Variants in PCDHGA8 observed in about 807,000 individuals in gnomAD.
PCDHGA8 encodes the protein protocadherin gamma-A8.
In PCDHGA8, 45 loss-of-function variants were observed where a neutral mutation model predicts 59.2. The ratio of observed to expected loss-of-function variants is 0.76; its 90% CI spans 0.60 to 0.98. The LOEUF (loss-of-function observed/expected upper bound fraction) is 0.98, where lower values mean the gene tolerates loss of function less well. PCDHGA8 is among the 50% of genes least tolerant of loss of function. PCDHGA8 has a pLI of 0.00. For synonymous variants in PCDHGA8, 531 were observed against 519.0 expected, an observed-to-expected ratio of 1.02 and a Z score of -0.32; for missense variants, 1,257 against 1,196.2, an observed-to-expected ratio of 1.05 and a Z score of -0.75.
chr5:141,433,255 A>G (rs2097579829), intron 1 of PCDHGA8: 2 of 1,401,470 alleles, frequency 1.4e-6, no homozygotes, highest in South Asian at 1.4e-5. Context: ...ATGCAGCGGT[A>G]CGATCATAGC....
intron 2 of PCDHGA8, among the ~76,000 whole-genome samples, chr5:141,499,297 T>A (rs1449576891): frequency 1.3e-5 from 2 of 152,036 alleles, no homozygotes; most frequent in Non-Finnish European, 2.9e-5. Flanking sequence ...CACACTACCA[T>A]CCCTCCTCTG....
rs376494807 is a variant in PCDHGA8 at position 141,491,836 on chromosome 5, G to A, written c.2425-2971G>A. 4.2e-5 allele frequency: 62 copies of A among 1,472,880 alleles called. No homozygotes were observed. The highest frequency in any genetic ancestry group is 3.6e-4 in the Middle Eastern group (2 of 5,606). 91.2% of individuals were successfully genotyped at this position (1,472,880 alleles called of 1,614,324 possible). A position where few individuals can be genotyped will look rare whatever the true frequency, so the allele number is the denominator to read the frequency against. On this transcript the variant is annotated intron_variant, in intron 1 of 3. Coordinates refer to ENST00000398604, the MANE Select transcript of PCDHGA8 (RefSeq NM_032088.2). This position sits in a 1 kb window ranked among gnomAD's most constrained non-coding sequence, Gnocchi z 6.9. ...CTGGCTGCGCTCCACCCGATTCTCG[G>A]GATCATTGGACCGTTTGCGCGAAAC...
At chr5:141,422,279 C>T (rs1344316011) in intron 1 of PCDHGA8, 1 of 1,557,956 alleles carries the variant, frequency 6.4e-7, no homozygotes, top group Non-Finnish European at 8.6e-7. Context: ...ATAACTATCA[C>T]CTCTTCTATT....
intron 1 of PCDHGA8, chr5:141,420,099 C>G: frequency 2.5e-6 from 4 of 1,613,996 alleles, no homozygotes; most frequent in Non-Finnish European, 3.4e-6. Context: ...AGTGAGGGAA[C>G]GTTGCCCTAT....
intron 1 of PCDHGA8, chr5:141,400,460 G>GTGAT (rs760132234): frequency 6.2e-7 from 1 of 1,613,938 alleles, no homozygotes. Context: ...ATACTTTGTG[G>GTGAT]TGATTCATCT....
chr5:141,489,894 G>T lies in PCDHGA8; in HGVS notation c.2425-4913G>T. 1.2e-6 allele frequency: 2 copies of T among 1,614,204 alleles called. No homozygotes were observed. Among genetic ancestry groups the T allele is most frequent in the Non-Finnish European group, 1.7e-6 (2 of 1,180,028 alleles). The stretch of plus-strand genomic sequence containing the variant: ...TGGTGCTTACTGCTGTGGATGGGGG[G>T]ACCCCAGCCCGCTCAGGGACCACCC... On this transcript the variant is annotated intron_variant, in intron 1 of 3. Transcript: ENST00000398604. The surrounding 1 kb of genome is among the most constrained non-coding windows in gnomAD (Gnocchi z 4.5).
intron 1 of PCDHGA8, chr5:141,414,929 C>T (rs2095802879): frequency 6.2e-7 from 1 of 1,614,152 alleles, no homozygotes; most frequent in Non-Finnish European, 8.5e-7. Context: ...GCGCCCCGCT[C>T]CGCAGAGCCC....
In PCDHGA8 at chr5:141,491,835, G is replaced by C; in HGVS notation, c.2425-2972G>C. On this transcript the variant is annotated intron_variant, in intron 1 of 3. Coordinates refer to ENST00000398604, the MANE Select transcript of PCDHGA8 (RefSeq NM_032088.2). The surrounding 1 kb of genome is among the most constrained non-coding windows in gnomAD (Gnocchi z 6.9). The stretch of plus-strand genomic sequence containing the variant: ...GCTGGCTGCGCTCCACCCGATTCTC[G>C]GGATCATTGGACCGTTTGCGCGAAA... 1 of 1,473,258 alleles carries C rather than the reference G, an allele frequency of 6.8e-7. No individual in the cohort carries two copies. The highest frequency in any genetic ancestry group is 9.0e-7 in the Non-Finnish European group (1 of 1,112,098). The allele number at this position is 1,473,258 out of a possible 1,614,324, so 91.3% of individuals were successfully genotyped here.
intron 1 of PCDHGA8, among the ~76,000 whole-genome samples, chr5:141,465,443 C>T (rs979024871): frequency 6.6e-6 from 1 of 152,158 alleles, no homozygotes; most frequent in Non-Finnish European, 1.5e-5. Flanking sequence ...AATGATTACC[C>T]AAGAAAACTC....
intron 1 of PCDHGA8, among the ~76,000 whole-genome samples, chr5:141,451,067 A>G (rs948528671): frequency 6.6e-6 from 1 of 151,848 alleles, no homozygotes; most frequent in African/African-American, 2.4e-5. Flanking sequence ...TGACCTTGTG[A>G]TCCACCCACC....
rs1478890031 is a variant in PCDHGA8, at chr5:141,478,689, C to G, written c.2425-16118C>G. On this transcript the variant is annotated intron_variant, in intron 1 of 3. Coordinates refer to ENST00000398604, the MANE Select transcript of PCDHGA8 (RefSeq NM_032088.2). Reference sequence around the variant, plus strand: ...CACTTTCAACTGGCCCTTCCTAGATCAAAGTTAGTGCCTTTGTGAGATGGT... The same window carrying G: ...CACTTTCAACTGGCCCTTCCTAGATGAAAGTTAGTGCCTTTGTGAGATGGT... 3 of 1,550,866 alleles carry G rather than the reference C, an allele frequency of 1.9e-6. No homozygotes were observed. In the African/African-American group the frequency reaches 4.1e-5, roughly 21 times the overall value.
intron 1 of PCDHGA8, chr5:141,404,640 T>C (rs368593595): frequency 1.6e-5 from 26 of 1,614,092 alleles, no homozygotes; most frequent in East Asian, 2.2e-5. Context: ...CCAGAAATCC[T>C]GTACCCTGCC....
chr5:141,455,616 A>G (rs2154565146), intron 1 of PCDHGA8, among the ~76,000 whole-genome samples: 1 of 152,244 alleles, frequency 6.6e-6, no homozygotes, highest in South Asian at 2.1e-4. Flanking sequence ...GGATGTTCTA[A>G]ACACGTGGAG....
chr5:141,428,043 A>C (rs765740380), intron 1 of PCDHGA8: 1 of 1,608,722 alleles, frequency 6.2e-7, no homozygotes, highest in South Asian at 1.1e-5. Context: ...CTACCTGGTG[A>C]CCAAGGTGGT....
intron 1 of PCDHGA8, among the ~76,000 whole-genome samples, chr5:141,433,465 C>T (rs1386201581): frequency 6.6e-6 from 1 of 152,060 alleles, no homozygotes; most frequent in Non-Finnish European, 1.5e-5. Context: ...GAAACTTGGG[C>T]TCAGGCTAGC....
Position 141,493,404 on chromosome 5 carries a change from C to T in PCDHGA8, c.2425-1403C>T, listed in dbSNP as rs2099748048. Among the ~76,000 whole-genome samples, 1 of 152,148 alleles carries T rather than the reference C, an allele frequency of 6.6e-6. No individual in the cohort carries two copies. Among genetic ancestry groups the T allele is most frequent in the South Asian group, 2.1e-4 (1 of 4,826 alleles). ...CTTGAGGACAGGAGAGGGGAGTTGC[C>T]TCTGCTGGGATTTTGCTTCTGCTGG... On this transcript the variant is annotated intron_variant, in intron 1 of 3. Transcript: ENST00000398604. The surrounding 1 kb of genome is among the most constrained non-coding windows in gnomAD (Gnocchi z 4.3).
At chr5:141,510,056 G>C (rs1450505898) in intron 3 of PCDHGA8, among the ~76,000 whole-genome samples, 2 of 152,174 alleles carry the variant, frequency 1.3e-5, no homozygotes. Flanking sequence ...AAGTGATTGT[G>C]CATGTGAAGC....
At chr5:141,417,626 T>G in intron 1 of PCDHGA8, 2 of 689,576 alleles carry the variant, frequency 2.9e-6, no homozygotes, top group East Asian at 2.9e-5. Flanking sequence ...GAGCAAGCGC[T>G]GACGCCGGGG....
chr5:141,446,289 G>T (rs1333286399), intron 1 of PCDHGA8, among the ~76,000 whole-genome samples: 1 of 152,112 alleles, frequency 6.6e-6, no homozygotes, highest in Non-Finnish European at 1.5e-5. Flanking sequence ...GATAAATGGG[G>T]AGCAGGGATT....
Sources: allele counts gnomAD v4.1 joint callset (sites outside exome capture counted in the v4.1 genomes callset), GRCh38; gene constraint gnomAD v4.1.1; non-coding constraint Gnocchi (gnomAD v3.1); transcripts MANE v1.5; gene names NCBI Gene and HGNC (gene_info 2026-07-23, HGNC 2026-07-21).